BACH1: variants seen among roughly 807,000 people sequenced by gnomAD.
The protein encoded by BACH1 is transcription regulator protein BACH1.
BACH1 carries 35 observed loss-of-function variants against 52.9 expected under a neutral mutation model. The observed-to-expected ratio is 0.66, with a 90% CI of 0.51 to 0.88. The LOEUF (loss-of-function observed/expected upper bound fraction) is 0.88, where lower values mean the gene tolerates loss of function less well. Among genes scored for constraint, BACH1 ranks in the 40% least tolerant of loss-of-function variants. The pLI, the probability that BACH1 is intolerant of heterozygous loss-of-function variation, is 0.00. For synonymous variants in BACH1, 321 were observed against 319.6 expected (o/e 1.00, Z -0.05); for missense variants, 808 against 872.6 (o/e 0.93, Z 0.93).
intron 2 of BACH1, among the ~76,000 whole-genome samples, chr21:29,360,854 A>G (rs1048935591): frequency 1.4e-3 from 211 of 151,368 alleles, no homozygotes; most frequent in African/African-American, 4.8e-3. Context: ...TCAAAAAAAA[A>G]AAAAAAACAA....
downstream of BACH1, among the ~76,000 whole-genome samples, chr21:29,347,921 T>A (rs2089179317): frequency 6.6e-6 from 1 of 152,176 alleles, no homozygotes; most frequent in African/African-American, 2.4e-5. Context: ...AATAAAATGC[T>A]AGCAACATAA....
chr21:29,312,699 A>C (rs1053082775), intron 1 of BACH1, among the ~76,000 whole-genome samples: 1 of 152,234 alleles, frequency 6.6e-6, no homozygotes, highest in African/African-American at 2.4e-5. Context: ...AATGCTGAGG[A>C]ATATAGCAAA....
At chr21:29,361,131 AC>A (rs2089269401) in intron 2 of BACH1, 1 of 152,236 alleles carries the variant, frequency 6.6e-6, no homozygotes, top group African/African-American at 2.4e-5. Context: ...TGTTTGTTGA[AC>A]GTTGCTGATG....
chr21:29,306,356 G>A (rs2088657573), intron 1 of BACH1, among the ~76,000 whole-genome samples: 1 of 151,436 alleles, frequency 6.6e-6, no homozygotes, highest in South Asian at 2.1e-4. Context: ...CCTGGAAGAA[G>A]ACACACTTTT....
In BACH1 at chr21:29,326,844, G is replaced by A. The variant is rs1443359414; in HGVS notation, c.1020G>A (p.Met340Ile). 1 of 1,614,038 alleles carries A rather than the reference G, an allele frequency of 6.2e-7. No individual in the cohort carries two copies. Among genetic ancestry groups the A allele is most frequent in the Non-Finnish European group, 8.5e-7 (1 of 1,180,044 alleles). The change falls in exon 3 of 5, where the codon ATG becomes ATA. Residue 340 changes from methionine (M) to isoleucine (I), a missense_variant. Transcript: ENST00000286800. ...ATGGTGACTTGAATTTTGCTGGTAT[G>A]CAAAACACAACAGTGTTAACAGAAA... ...DQYGDLNFAG[M>I]QNTTVLTEKP... is the part of the protein sequence containing the mutation.
At chr21:29,357,050 C>T (rs1386260473) in intron 2 of BACH1, among the ~76,000 whole-genome samples, 3 of 152,190 alleles carry the variant, frequency 2.0e-5, no homozygotes, top group South Asian at 2.1e-4. Context: ...ATTTAATGGG[C>T]GTTCCCCCAG....
chr21:29,340,232 A>C (rs2089095718), intron 4 of BACH1, among the ~76,000 whole-genome samples: 1 of 152,216 alleles, frequency 6.6e-6, no homozygotes, highest in Admixed American at 6.5e-5. Flanking sequence ...ATTATAGTAA[A>C]TATGTGTCTT....
chr21:29,313,694 T>C (rs924552680), intron 1 of BACH1, among the ~76,000 whole-genome samples: 1 of 152,130 alleles, frequency 6.6e-6, no homozygotes, highest in East Asian at 1.9e-4. Flanking sequence ...TTCTGAGTAA[T>C]GAAAGAAACC....
intron 1 of BACH1, among the ~76,000 whole-genome samples, chr21:29,305,036 A>G (rs530849228): frequency 5.8e-4 from 88 of 152,264 alleles, no homozygotes; most frequent in African/African-American, 2.0e-3. Context: ...GGCCTCTTCA[A>G]TTTCCAGTGT....
intron 1 of BACH1, among the ~76,000 whole-genome samples, chr21:29,311,895 CATT>C (rs1159144529): frequency 2.0e-5 from 3 of 152,154 alleles, no homozygotes; most frequent in Non-Finnish European, 4.4e-5. Flanking sequence ...TTAAGTCTCT[CATT>C]ATTTGTCTAT....
chr21:29,328,710 T>C (rs546890045), intron 3 of BACH1, among the ~76,000 whole-genome samples: 103 of 152,288 alleles, frequency 6.8e-4, no homozygotes, highest in African/African-American at 2.4e-3. Flanking sequence ...ATTTTTTCCC[T>C]CTCCCTAGCC....
downstream of BACH1, among the ~76,000 whole-genome samples, chr21:29,350,072 C>A (rs115739478): frequency 0.02 from 3,003 of 152,234 alleles, 90 homozygotes; most frequent in African/African-American, 0.068. Context: ...CCACAACGAT[C>A]CTCTAGATTC....
intron 4 of BACH1, among the ~76,000 whole-genome samples, chr21:29,339,043 A>C (rs752110679): frequency 2.6e-5 from 4 of 152,210 alleles, no homozygotes; most frequent in Non-Finnish European, 4.4e-5. Flanking sequence ...ATACAGTTCA[A>C]ACCAGTCTTC....
At chr21:29,352,372 C>T (rs1025468614) in intron 2 of BACH1, among the ~76,000 whole-genome samples, 1 of 152,108 alleles carries the variant, frequency 6.6e-6, no homozygotes, top group African/African-American at 2.4e-5. Context: ...GTTTTGAAGC[C>T]TGGTTTTGAT....
intron 1 of BACH1, chr21:29,299,623 G>T (rs2070344021): frequency 6.6e-6 from 1 of 152,240 alleles, no homozygotes; most frequent in South Asian, 2.1e-4. Flanking sequence ...TGATTCTGGA[G>T]ACACCAGCTT....
intron 2 of BACH1, among the ~76,000 whole-genome samples, chr21:29,323,847 A>G (rs950749791): frequency 4.6e-5 from 7 of 152,136 alleles, no homozygotes; most frequent in African/African-American, 1.7e-4. Flanking sequence ...TATTGATACA[A>G]TCTCCCATAG....
At chr21:29,334,101 T>A (rs183945258) in intron 4 of BACH1, among the ~76,000 whole-genome samples, 78 of 151,860 alleles carry the variant, frequency 5.1e-4, no homozygotes, top group Non-Finnish European at 8.2e-4. Context: ...TTATTTTTTT[T>A]ATTTTTTTTA....
At chr21:29,341,172 T>C (rs1191920026) in intron 4 of BACH1, among the ~76,000 whole-genome samples, 2 of 152,206 alleles carry the variant, frequency 1.3e-5, no homozygotes, top group East Asian at 1.9e-4. Flanking sequence ...ACAATACTTT[T>C]GTATAAAGCA....
At chr21:29,318,269 T>C (rs142040115) in intron 1 of BACH1, among the ~76,000 whole-genome samples, 4 of 152,332 alleles carry the variant, frequency 2.6e-5, no homozygotes, top group Non-Finnish European at 5.9e-5. Flanking sequence ...AGAGTTGTGC[T>C]GATGCCGATG....
Sources: allele counts gnomAD v4.1 joint callset (sites outside exome capture counted in the v4.1 genomes callset), GRCh38; gene constraint gnomAD v4.1.1; transcripts MANE v1.5; gene names NCBI Gene and HGNC (gene_info 2026-07-23, HGNC 2026-07-21).